Variants in TET3 observed in about 807,000 individuals in gnomAD.
The protein encoded by TET3 is tet methylcytosine dioxygenase 3, also known as methylcytosine dioxygenase TET3.
TET3 carries 19 observed loss-of-function variants against 141.4 expected under a neutral mutation model. That is an observed-to-expected ratio of 0.13 (90% confidence interval 0.09 to 0.20). The LOEUF (loss-of-function observed/expected upper bound fraction) is 0.20, where lower values mean the gene tolerates loss of function less well. TET3 is among the 10% of genes least tolerant of loss of function. TET3 has a pLI of 1.00. For missense variants in TET3, 1,874 were observed against 2,356.9 expected (o/e 0.80, Z 4.24); for synonymous variants, 1,043 against 980.9 (o/e 1.06, Z -1.18).
chr2:74,080,446 T>C, intron 5 of TET3, 52 bp from the exon 6 acceptor site: 3 of 1,526,230 alleles, frequency 2.0e-6, no homozygotes, highest in Non-Finnish European at 2.7e-6. Flanking sequence ...CCAAAAGTTG[T>C]TCTCCTTTGG....
At chr2:74,111,627 T>A (rs191453172), downstream of TET3, among the ~76,000 whole-genome samples, 1 of 152,342 alleles carries the variant, frequency 6.6e-6, no homozygotes, top group Admixed American at 6.5e-5. Flanking sequence ...AGAGGCATGT[T>A]GGACAAGGAC....
At chr2:74,053,171 A>G (rs1396509514) in intron 4 of TET3, among the ~76,000 whole-genome samples, 4 of 152,212 alleles carry the variant, frequency 2.6e-5, no homozygotes, top group Non-Finnish European at 5.9e-5. Context: ...TATTTATCAC[A>G]AGTTGAATTT....
intron 8 of TET3, among the ~76,000 whole-genome samples, chr2:74,090,757 A>G (rs1485963777): frequency 6.6e-6 from 1 of 152,180 alleles, no homozygotes; most frequent in Non-Finnish European, 1.5e-5. Flanking sequence ...TGATGCCTGC[A>G]TGGCAAAGGC....
intron 8 of TET3, among the ~76,000 whole-genome samples, chr2:74,090,274 C>T (rs1690404764): frequency 6.6e-6 from 1 of 152,202 alleles, no homozygotes; most frequent in African/African-American, 2.4e-5. Context: ...CAGGCTCTTC[C>T]CATGTAAACC....
intron 4 of TET3, among the ~76,000 whole-genome samples, chr2:74,059,467 CT>C: frequency 6.6e-6 from 1 of 152,196 alleles, no homozygotes; most frequent in Non-Finnish European, 1.5e-5. Context: ...GTTGGCCAGG[CT>C]GGTCTGGAAC....
intron 3 of TET3, among the ~76,000 whole-genome samples, chr2:74,033,624 G>A (rs1033643733): frequency 2.0e-5 from 3 of 152,194 alleles, no homozygotes; most frequent in South Asian, 4.1e-4. Flanking sequence ...AGCTGGTCAC[G>A]TGAACTTTTT....
chr2:74,090,648 C>CAGGG (rs146348941), intron 8 of TET3, among the ~76,000 whole-genome samples: 9 of 152,332 alleles, frequency 5.9e-5, no homozygotes, highest in Non-Finnish European at 1.0e-4. Context: ...CCCTGCCCTG[C>CAGGG]AGGGCCTCCC....
Position 74,046,355 on chromosome 2 carries a change from A to G in TET3, c.438A>G (p.Ser146=). The part of the protein sequence containing the change: ...MDSGPVYHGD[S]RQLSASGVPV... The stretch of plus-strand genomic sequence containing the variant: ...CAGGGCCAGTGTACCATGGGGACTC[A>G]CGGCAGCTAAGCGCCTCAGGGGTGC... Residue 146 remains serine (S), a synonymous_variant, in exon 4 of 12, where the codon TCA becomes TCG. Transcript: ENST00000409262. The surrounding 1 kb of genome is among the most constrained non-coding windows in gnomAD (Gnocchi z 4.3). The G allele has an allele frequency of 6.5e-7, 1 of 1,528,708 alleles. No individual in the cohort carries two copies. Among genetic ancestry groups the G allele is most frequent in the Non-Finnish European group, 8.8e-7 (1 of 1,141,866 alleles). The allele number at this position is 1,528,708 out of a possible 1,614,324, so 94.7% of individuals were successfully genotyped here.
intron 2 of TET3, among the ~76,000 whole-genome samples, chr2:73,992,468 C>A (rs935152217): frequency 6.6e-6 from 1 of 152,118 alleles, no homozygotes; most frequent in African/African-American, 2.4e-5. Context: ...CATGTGCCAT[C>A]ACGCCTGGCT....
intron 3 of TET3, among the ~76,000 whole-genome samples, chr2:74,014,266 A>G (rs1685614538): frequency 6.6e-6 from 1 of 152,250 alleles, no homozygotes; most frequent in East Asian, 1.9e-4. Context: ...ACATTTAAAA[A>G]TATGACTTTC....
Position 74,105,396 on chromosome 2 carries a change from C to T in TET3, c.*3220C>T, listed in dbSNP as rs976979422. The T allele has an allele frequency of 1.0e-5, 4 of 398,514 alleles. No individual in the cohort carries two copies. The highest frequency in any genetic ancestry group is 1.3e-4 in the South Asian group (1 of 7,818). The allele number at this position is 398,514 out of a possible 1,614,324, so 24.7% of individuals were successfully genotyped here. A position where few individuals can be genotyped will look rare whatever the true frequency, so the allele number is the denominator to read the frequency against. On this transcript the variant is annotated 3_prime_UTR_variant, in exon 12 of 12. Transcript: ENST00000409262. ...GCTACGAGATTTTTAAAATAAAAAT[C>T]GCTTCGCAGCAGGTTCTCACAAAAT...
At chr2:74,069,478 T>G (rs1689088650) in intron 4 of TET3, among the ~76,000 whole-genome samples, 1 of 151,594 alleles carries the variant, frequency 6.6e-6, no homozygotes, top group African/African-American at 2.4e-5. Context: ...ACCTGAAACA[T>G]TCACATAGAG....
rs35642768 is a variant in TET3 at position 74,035,201 on chromosome 2, CAAAAAA to C, written c.361-11062_361-11057del. On this transcript the variant is annotated intron_variant, in intron 3 of 11. Transcript: ENST00000409262. Reference sequence around the variant, plus strand: ...TGGGCAACAGAGTGAGACTCCGTCTCAAAAAAAAAAAAAAAAAAAAGTTATTGGGGC... The same window carrying C: ...TGGGCAACAGAGTGAGACTCCGTCTCAAAAAAAAAAAAAAGTTATTGGGGC... Among the ~76,000 whole-genome samples, 118 of 65,470 alleles carry C rather than the reference CAAAAAA, an allele frequency of 1.8e-3. 1 individual carries two copies. The highest frequency in any genetic ancestry group is 6.9e-3 in the African/African-American group (113 of 16,474). The allele number at this position is 65,470 out of a possible 152,430, so 43.0% of individuals were successfully genotyped here. A position where few individuals can be genotyped will look rare whatever the true frequency, so the allele number is the denominator to read the frequency against.
At chr2:74,090,178 A>T in intron 8 of TET3, 131 bp downstream of exon 8, 3 of 1,375,810 alleles carry the variant, frequency 2.2e-6, no homozygotes, top group Non-Finnish European at 3.0e-6. Context: ...TCGTTTTTTT[A>T]AAAGCTGACC....
intron 2 of TET3, among the ~76,000 whole-genome samples, chr2:73,998,756 C>G (rs114295531): frequency 1.3e-5 from 2 of 151,914 alleles, no homozygotes; most frequent in East Asian, 3.8e-4. Context: ...GCGTGGACAC[C>G]GGGGACTTCA....
chr2:74,102,406 G>A lies in TET3; in HGVS notation c.*230G>A, dbSNP rs1195842376. On this transcript the variant is annotated 3_prime_UTR_variant, in exon 12 of 12. Coordinates refer to ENST00000409262, the MANE Select transcript of TET3 (RefSeq NM_001287491.2). The stretch of plus-strand genomic sequence containing the variant: ...CTTTGAAGAAGAAACTACGGCTGTC[G>A]GGTGATTTTTCCGTGATCTTAATAT... 7 of 505,972 alleles carry A rather than the reference G, an allele frequency of 1.4e-5. No homozygotes were observed. The highest frequency in any genetic ancestry group is 2.0e-5 in the African/African-American group (1 of 50,276). The allele number at this position is 505,972 out of a possible 1,614,324, so 31.3% of individuals were successfully genotyped here. A position where few individuals can be genotyped will look rare whatever the true frequency, so the allele number is the denominator to read the frequency against.
chr2:74,125,066 G>T, the TET3 span, among the ~76,000 whole-genome samples: 1 of 150,120 alleles, frequency 6.7e-6, no homozygotes, highest in Non-Finnish European at 1.5e-5. Flanking sequence ...GGGTGCAATG[G>T]TGCAATCTCA....
At chr2:74,011,646 C>A (rs892011855) in intron 3 of TET3, among the ~76,000 whole-genome samples, 1 of 152,228 alleles carries the variant, frequency 6.6e-6, no homozygotes, top group Non-Finnish European at 1.5e-5. Flanking sequence ...GTGTCCCAGT[C>A]CCCTATCTTC....
intron 7 of TET3, 123 bp downstream of exon 7, chr2:74,088,161 G>A (rs1008704713): frequency 5.1e-5 from 51 of 1,004,736 alleles, no homozygotes; most frequent in African/African-American, 3.3e-5. Context: ...TGTTTGTCCT[G>A]CACAGTTAGG....
Sources: gnomAD v4.1 joint callset for allele counts (sites outside exome capture counted in the v4.1 genomes callset) on GRCh38, gnomAD v4.1.1 for gene constraint, Gnocchi (gnomAD v3.1) non-coding constraint, MANE v1.5 for transcripts, NCBI Gene and HGNC (gene_info 2026-07-23, HGNC 2026-07-21) for gene names.